ASXL2: variants seen among roughly 807,000 people sequenced by gnomAD.
The protein encoded by ASXL2 is ASXL transcriptional regulator 2, also known as putative Polycomb group protein ASXL2.
A neutral mutation model predicts 122.0 loss-of-function variants in ASXL2; 23 were observed. The observed-to-expected ratio is 0.19, with a 90% confidence interval of 0.14 to 0.27. The LOEUF is 0.27. ASXL2 is among the 10% of genes least tolerant of loss of function. The pLI is 1.00. For missense variants in ASXL2, 1,518 were observed against 1,713.8 expected (o/e 0.89, Z 2.02); for synonymous variants, 650 against 637.0 (o/e 1.02, Z -0.31).
chr2:25,767,463 A>T (rs1006207639), intron 8 of ASXL2, 120 bp downstream of exon 8: 1 of 1,076,720 alleles, frequency 9.3e-7, no homozygotes, highest in African/African-American at 1.6e-5. Flanking sequence ...CTTATGTCTA[A>T]TCTTTGCTAT....
chr2:25,804,838 T>A (rs546681096), intron 4 of ASXL2, among the ~76,000 whole-genome samples: 1 of 152,166 alleles, frequency 6.6e-6, no homozygotes, highest in South Asian at 2.1e-4. Context: ...TTACCTGAGG[T>A]CAGGAGTTTG....
chr2:25,792,748 G>A (rs1428144070), intron 5 of ASXL2, among the ~76,000 whole-genome samples: 1 of 151,634 alleles, frequency 6.6e-6, no homozygotes, highest in Non-Finnish European at 1.5e-5. Flanking sequence ...TGGGATTACA[G>A]GTGTGCGCCA....
chr2:25,818,766 G>A (rs1178296126), intron 3 of ASXL2, among the ~76,000 whole-genome samples: 1 of 152,120 alleles, frequency 6.6e-6, no homozygotes, highest in Non-Finnish European at 1.5e-5. Context: ...ACAGTGATAG[G>A]AAGTTTCAGG....
intron 9 of ASXL2, 71 bp downstream of exon 9, chr2:25,759,411 T>A: frequency 7.0e-7 from 1 of 1,433,854 alleles, no homozygotes; most frequent in Non-Finnish European, 9.5e-7. Flanking sequence ...TCTCACTTAG[T>A]ACCATTAATA....
At chr2:25,819,958 A>G (rs1010946830) in intron 3 of ASXL2, among the ~76,000 whole-genome samples, 1 of 152,138 alleles carries the variant, frequency 6.6e-6, no homozygotes, top group Admixed American at 6.5e-5. Flanking sequence ...CCCCCAGGCT[A>G]GAGTGCAGTG....
chr2:25,823,928 A>T (rs1238672394), intron 3 of ASXL2, among the ~76,000 whole-genome samples: 2 of 152,098 alleles, frequency 1.3e-5, no homozygotes, highest in Middle Eastern at 3.2e-3. Context: ...TTGAGGAAAA[A>T]TTTGGGATTA....
At position 25,750,067 on chromosome 2, in the gene ASXL2, C is replaced by T. The variant is rs192716734; in HGVS notation, c.1489G>A (p.Ala497Thr). ...TGGTTCTTCTCAGATTCCTGTTCAG[C>T]AGAGGTGACTGGCTTCTGCTCCAAG... The part of the protein sequence containing the change: ...DLLEQKPVTS[A>T]EQESEKNHLT... Residue 497 changes from alanine to threonine, a missense_variant, in exon 12 of 13, where the codon GCT becomes ACT. Physicochemically the swap from Ala to Thr is moderately conservative, Grantham distance 58. Around this residue, in one of 8 missense-constraint regions of ASXL2, gnomAD observed 292 missense variants for 293.5 expected, o/e 1.00. Coordinates refer to ENST00000435504, the MANE Select transcript of ASXL2 (RefSeq NM_018263.6). The T allele has an allele frequency of 4.5e-3, 7,264 of 1,613,938 alleles. 28 individuals carry two copies. The highest frequency in any genetic ancestry group is 0.024 in the Middle Eastern group (148 of 6,062).
At chr2:25,833,220 C>T (rs977906699) in intron 3 of ASXL2, among the ~76,000 whole-genome samples, 2 of 152,158 alleles carry the variant, frequency 1.3e-5, no homozygotes, top group African/African-American at 4.8e-5. Flanking sequence ...ACAATATTCT[C>T]GCTGTGACAC....
chr2:25,829,851 T>C (rs567651949), intron 3 of ASXL2, among the ~76,000 whole-genome samples: 32 of 152,276 alleles, frequency 2.1e-4, no homozygotes, highest in African/African-American at 7.7e-4. Flanking sequence ...TTTGTCCTTG[T>C]GGGCCTGAGA....
intron 11 of ASXL2, 81 bp downstream of exon 11, chr2:25,753,453 T>C: frequency 3.1e-6 from 3 of 953,480 alleles, no homozygotes; most frequent in Non-Finnish European, 4.5e-6. Context: ...CTAGATTTTC[T>C]GAGAAGGTAA....
At chr2:25,817,477 G>A (rs1349361569) in intron 3 of ASXL2, among the ~76,000 whole-genome samples, 4 of 152,016 alleles carry the variant, frequency 2.6e-5, no homozygotes, top group Admixed American at 6.5e-5. Flanking sequence ...AATAAACAAT[G>A]GTTATTCCTA....
intron 3 of ASXL2, among the ~76,000 whole-genome samples, chr2:25,828,752 G>C (rs2089409990): frequency 6.8e-6 from 1 of 146,808 alleles, no homozygotes; most frequent in Non-Finnish European, 1.5e-5. Flanking sequence ...TTGAACCCTG[G>C]AGGTAGAAGT....
intron 1 of ASXL2, among the ~76,000 whole-genome samples, chr2:25,862,595 T>TTTTG (rs751773039): frequency 2.6e-5 from 4 of 152,076 alleles, no homozygotes; most frequent in African/African-American, 9.7e-5. Flanking sequence ...TAATTTGTGG[T>TTTTG]TTTGTTTGTT....
chr2:25,826,251 G>A (rs765710778), intron 3 of ASXL2, among the ~76,000 whole-genome samples: 18 of 139,618 alleles, frequency 1.3e-4, no homozygotes, highest in Non-Finnish European at 2.0e-4. Context: ...CTTTGAAAGT[G>A]GGCTGGAAAA....
chr2:25,845,246 G>A (rs752112728), intron 2 of ASXL2: 2 of 565,512 alleles, frequency 3.5e-6, no homozygotes, highest in African/African-American at 1.9e-5. Context: ...AAATTAAAGT[G>A]CATGGGCTTA....
In ASXL2 at chr2:25,844,974, T is replaced by C. The variant is rs2089633047; in HGVS notation, c.140+507A>G. 2.6e-5 allele frequency among the ~76,000 whole-genome samples: 4 copies of C among 152,150 alleles called. No individual in the cohort carries two copies. The South Asian group carries it at 8.3e-4, about 31-fold the overall frequency. ...ATAATAAGGTTCTTAGAAATTAAAG[T>C]CTGTGTTATCTTTGATCCTGTACTA... On this transcript the variant is annotated intron_variant, in intron 2 of 12. Coordinates refer to ENST00000435504, the MANE Select transcript of ASXL2 (RefSeq NM_018263.6).
chr2:25,783,778 G>A (rs1301181174), intron 5 of ASXL2, among the ~76,000 whole-genome samples: 3 of 151,578 alleles, frequency 2.0e-5, no homozygotes, highest in East Asian at 1.9e-4. Flanking sequence ...ATACATGGCC[G>A]GGTGCGGTGG....
Position 25,878,396 on chromosome 2 carries a change from T to G in ASXL2, c.-174A>C. On this transcript the variant is annotated 5_prime_UTR_variant, in exon 1 of 13. It removes the in-frame stop codon of an upstream open reading frame in the 5' UTR. Transcript: ENST00000435504. ...GGCGGGGGTGGTGCGCGGGGGGGTC[T>G]ATGGGGCGGCCGGTCCTCTTGCTGC... is the stretch of plus-strand genomic sequence containing the variant. 1.7e-6 allele frequency: 1 copy of G among 605,120 alleles called. No homozygotes were observed. Among genetic ancestry groups the G allele is most frequent in the African/African-American group, 1.9e-5 (1 of 53,674 alleles). 37.5% of individuals were successfully genotyped at this position (605,120 alleles called of 1,614,324 possible).
At chr2:25,844,259 T>C (rs1454801570) in intron 2 of ASXL2, among the ~76,000 whole-genome samples, 1 of 152,140 alleles carries the variant, frequency 6.6e-6, no homozygotes, top group Non-Finnish European at 1.5e-5. Context: ...TTTTAACATT[T>C]CTTGATGATA....
Sources: gnomAD v4.1 joint callset for allele counts (sites outside exome capture counted in the v4.1 genomes callset) on GRCh38, gnomAD v4.1.1 for gene constraint, gnomAD v4.1.1 regional missense constraint, MANE v1.5 for transcripts, NCBI Gene and HGNC (gene_info 2026-07-23, HGNC 2026-07-21) for gene names.